Variants in CTNNA3 observed in about 807,000 individuals in gnomAD.
The protein encoded by CTNNA3 is catenin alpha 3.
Under a neutral mutation model 95.7 loss-of-function variants are expected in CTNNA3, and 76 were observed. The ratio of observed to expected loss-of-function variants is 0.79; its 90% CI spans 0.66 to 0.96. The LOEUF is 0.96. Among genes scored for constraint, CTNNA3 ranks in the 40% least tolerant of loss-of-function variants. The probability of loss-of-function intolerance (pLI) is 0.00; values close to 1 mark genes in which losing one functional copy is unlikely to be tolerated. For missense variants in CTNNA3, 1,191 were observed against 1,089.8 expected (o/e 1.09, Z -1.31); for synonymous variants, 431 against 374.4 (o/e 1.15, Z -1.74).
intron 11 of CTNNA3, among the ~76,000 whole-genome samples, chr10:66,417,778 C>T (rs1200949704): frequency 6.6e-6 from 1 of 151,760 alleles, no homozygotes; most frequent in South Asian, 2.1e-4. Context: ...CCTGAACAAC[C>T]ATTGTGTCAA....
intron 3 of CTNNA3, among the ~76,000 whole-genome samples, chr10:67,568,856 C>T (rs965366511): frequency 1.3e-5 from 2 of 152,132 alleles, no homozygotes; most frequent in East Asian, 1.9e-4. Context: ...CAGCTGCTGC[C>T]CTCATTACTT....
chr10:66,373,846 T>C (rs1280406704), intron 12 of CTNNA3, among the ~76,000 whole-genome samples: 1 of 152,242 alleles, frequency 6.6e-6, no homozygotes, highest in Non-Finnish European at 1.5e-5. Flanking sequence ...ATATTCATGA[T>C]CAATTGTTCA....
rs59674744 is a variant in CTNNA3, at chr10:66,717,296, C to T, written c.1281+48968G>A. On this transcript the variant is annotated intron_variant, in intron 9 of 17. Coordinates refer to ENST00000433211, the MANE Select transcript of CTNNA3 (RefSeq NM_013266.4). ...GGTAAATAATTCCATCTTCTTTTATCCCAGTCCCCAAAGGCAGATAAAGAA... is the reference window on the plus strand; with the variant it reads ...GGTAAATAATTCCATCTTCTTTTATTCCAGTCCCCAAAGGCAGATAAAGAA... Among the ~76,000 whole-genome samples, 612 of 152,236 alleles carry T rather than the reference C, an allele frequency of 4.0e-3. 4 individuals are homozygous for T. The highest frequency in any genetic ancestry group is 0.014 in the African/African-American group (578 of 41,542).
intron 7 of CTNNA3, among the ~76,000 whole-genome samples, chr10:67,050,322 G>A (rs1435653096): frequency 3.3e-5 from 5 of 152,090 alleles, no homozygotes; most frequent in East Asian, 1.9e-4. Flanking sequence ...TTTCTTGAGC[G>A]TTCGGTCTAC....
At chr10:67,683,798 C>T (rs1000187771) in intron 1 of CTNNA3, among the ~76,000 whole-genome samples, 11 of 151,994 alleles carry the variant, frequency 7.2e-5, no homozygotes, top group Non-Finnish European at 1.3e-4. Flanking sequence ...GGTGGGTTCA[C>T]GGTCTTGCTG....
At chr10:66,250,476 A>G (rs1336219068) in intron 13 of CTNNA3, among the ~76,000 whole-genome samples, 1 of 152,204 alleles carries the variant, frequency 6.6e-6, no homozygotes, top group African/African-American at 2.4e-5. Flanking sequence ...CAGATATCCC[A>G]TTTACTATGA....
At chr10:67,560,875 T>C (rs1841482830) in intron 3 of CTNNA3, among the ~76,000 whole-genome samples, 1 of 152,058 alleles carries the variant, frequency 6.6e-6, no homozygotes, top group African/African-American at 2.4e-5. Flanking sequence ...TGAAAAAAGA[T>C]CAAAAGAGAC....
intron 9 of CTNNA3, among the ~76,000 whole-genome samples, chr10:66,722,092 C>T (rs1244540591): frequency 6.6e-6 from 1 of 152,042 alleles, no homozygotes; most frequent in Non-Finnish European, 1.5e-5. Flanking sequence ...AATTAAAATG[C>T]TAAAGGCCGG....
At chr10:67,179,312 T>C (rs1862391641) in intron 7 of CTNNA3, among the ~76,000 whole-genome samples, 1 of 151,876 alleles carries the variant, frequency 6.6e-6, no homozygotes, top group Admixed American at 6.6e-5. Context: ...ATATTCAAGA[T>C]TTTTCTCTTC....
intron 7 of CTNNA3, among the ~76,000 whole-genome samples, chr10:67,106,507 G>A (rs763285320): frequency 6.6e-6 from 1 of 152,178 alleles, no homozygotes; most frequent in Non-Finnish European, 1.5e-5. Flanking sequence ...CTTACTGAAT[G>A]TTTACTTTTC....
intron 13 of CTNNA3, among the ~76,000 whole-genome samples, chr10:66,242,120 C>T (rs2090137849): frequency 6.6e-6 from 1 of 152,116 alleles, no homozygotes; most frequent in African/African-American, 2.4e-5. Flanking sequence ...TGTGCCACTT[C>T]AGAACTCTGC....
At chr10:67,344,037 T>A (rs919565139) in intron 5 of CTNNA3, among the ~76,000 whole-genome samples, 9 of 151,340 alleles carry the variant, frequency 5.9e-5, no homozygotes, top group Non-Finnish European at 1.2e-4. Context: ...GTTTTTATCA[T>A]GAAAGGATGT....
At chr10:66,679,662 A>G (rs775323841) in intron 9 of CTNNA3, among the ~76,000 whole-genome samples, 1 of 152,180 alleles carries the variant, frequency 6.6e-6, no homozygotes, top group African/African-American at 2.4e-5. Flanking sequence ...CTTAATAGGC[A>G]TTGTATAAAA....
chr10:66,245,275 T>C (rs1475961923), intron 13 of CTNNA3, among the ~76,000 whole-genome samples: 1 of 152,124 alleles, frequency 6.6e-6, no homozygotes, highest in Admixed American at 6.5e-5. Context: ...GGAAGCACAT[T>C]GGTGCCCAGA....
intron 7 of CTNNA3, among the ~76,000 whole-genome samples, chr10:66,857,736 T>C (rs1157968545): frequency 6.6e-6 from 1 of 152,056 alleles, no homozygotes; most frequent in East Asian, 1.9e-4. Context: ...GTAATGTTAG[T>C]GATTTTTGTA....
intron 9 of CTNNA3, among the ~76,000 whole-genome samples, chr10:66,762,249 C>T (rs1839628764): frequency 6.6e-6 from 1 of 152,034 alleles, no homozygotes; most frequent in African/African-American, 2.4e-5. Context: ...AGGATATGAA[C>T]ACATTTGTCA....
At chr10:66,805,231 T>C (rs919273975) in intron 7 of CTNNA3, among the ~76,000 whole-genome samples, 2 of 152,026 alleles carry the variant, frequency 1.3e-5, no homozygotes, top group African/African-American at 4.8e-5. Context: ...TTTGCTGAGT[T>C]TGCTTTGTGT....
chr10:66,957,840 G>A (rs1848904504), intron 7 of CTNNA3, among the ~76,000 whole-genome samples: 1 of 151,974 alleles, frequency 6.6e-6, no homozygotes, highest in African/African-American at 2.4e-5. Flanking sequence ...TACTAAGCTA[G>A]GCCTGAAGGG....
intron 7 of CTNNA3, among the ~76,000 whole-genome samples, chr10:66,862,117 G>A (rs969411252): frequency 3.3e-5 from 5 of 152,160 alleles, no homozygotes; most frequent in Non-Finnish European, 7.4e-5. Context: ...GGGAGGCTGA[G>A]GCAGGAGAAT....
Sources: allele counts gnomAD v4.1 joint callset (sites outside exome capture counted in the v4.1 genomes callset), GRCh38; gene constraint gnomAD v4.1.1; transcripts MANE v1.5; gene names NCBI Gene and HGNC (gene_info 2026-07-23, HGNC 2026-07-21).